The following PTBP3 variants were observed in gnomAD, a reference collection of about 807,000 sequenced individuals.
PTBP3 encodes the protein polypyrimidine tract-binding protein 3.
In PTBP3, 20 loss-of-function variants were observed where a neutral mutation model predicts 58.7. The observed-to-expected ratio is 0.34, with a 90% CI of 0.24 to 0.50. The LOEUF is 0.50. PTBP3 is among the 20% of genes least tolerant of loss of function. The pLI, the probability that PTBP3 is intolerant of heterozygous loss-of-function variation, is 0.98. For synonymous variants in PTBP3, 185 were observed against 219.8 expected (o/e 0.84, Z 1.40); for missense variants, 509 against 637.2 (o/e 0.80, Z 2.17).
At position 112,292,591 on chromosome 9, in the gene PTBP3, C is replaced by T. The variant is rs562375622; in HGVS notation, c.34+5241G>A. On this transcript the variant is annotated intron_variant, in intron 2 of 13. Transcript: ENST00000374257. The stretch of plus-strand genomic sequence containing the variant: ...TGTGGTATATACCTACAATTATTCA[C>T]CCTACAAAAAAGGGAAACCCTTCCA... Among the ~76,000 whole-genome samples the T allele has an allele frequency of 2.0e-5, 3 of 152,190 alleles. No homozygotes were observed. In the South Asian group the frequency reaches 6.2e-4, roughly 32 times the overall value.
the PTBP3 span, among the ~76,000 whole-genome samples, chr9:112,351,174 A>T: frequency 3.9e-5 from 6 of 152,304 alleles, no homozygotes; most frequent in Admixed American, 1.3e-4. Flanking sequence ...CTGTTCCAGG[A>T]TCCCCTCCAA....
In PTBP3 at chr9:112,220,388, A is replaced by T; in HGVS notation, c.*3463T>A. 1 of 1,224,254 alleles carries T rather than the reference A, an allele frequency of 8.2e-7. No individual in the cohort carries two copies. The highest frequency in any genetic ancestry group is 1.0e-6 in the Non-Finnish European group (1 of 960,054). 75.8% of individuals were successfully genotyped at this position (1,224,254 alleles called of 1,614,324 possible). A position where few individuals can be genotyped will look rare whatever the true frequency, so the allele number is the denominator to read the frequency against. ...TGGCGAGACCCCTAAAAATAAAATA[A>T]AGTAAAATAAAAAGAAATTGAGCAG... On this transcript the variant is annotated 3_prime_UTR_variant, in exon 14 of 14. Transcript: ENST00000374257.
At chr9:112,369,670 T>C in the PTBP3 span, among the ~76,000 whole-genome samples, 93 of 152,272 alleles carry the variant, frequency 6.1e-4, no homozygotes, top group East Asian at 6.0e-3. Flanking sequence ...CTATGAACTT[T>C]TGAATTAATG....
At chr9:112,304,983 T>C (rs1197210468) in intron 1 of PTBP3, among the ~76,000 whole-genome samples, 1 of 152,200 alleles carries the variant, frequency 6.6e-6, no homozygotes, top group Non-Finnish European at 1.5e-5. Flanking sequence ...CTTTTCTTTT[T>C]TGAGGAAAAG....
At chr9:112,288,449 C>A (rs958183105) in intron 2 of PTBP3, among the ~76,000 whole-genome samples, 1 of 152,210 alleles carries the variant, frequency 6.6e-6, no homozygotes, top group African/African-American at 2.4e-5. Context: ...TCCCAGGTAA[C>A]TCAACCTTCC....
chr9:112,248,177 A>C (rs1411944270), intron 7 of PTBP3, among the ~76,000 whole-genome samples: 1 of 152,166 alleles, frequency 6.6e-6, no homozygotes, highest in Admixed American at 6.5e-5. Context: ...TAAGACACAC[A>C]AAAAAGCACA....
intron 2 of PTBP3, among the ~76,000 whole-genome samples, chr9:112,277,546 A>T (rs1376285378): frequency 6.6e-6 from 1 of 151,984 alleles, no homozygotes; most frequent in Non-Finnish European, 1.5e-5. Flanking sequence ...ATCCAGTATC[A>T]TATCAACGTT....
chr9:112,374,747 T>A, the PTBP3 span, among the ~76,000 whole-genome samples: 1 of 152,246 alleles, frequency 6.6e-6, no homozygotes, highest in Non-Finnish European at 1.5e-5. Context: ...AGGCATTCTG[T>A]GAGTCCATGG....
At chr9:112,363,516 T>TCTCA in the PTBP3 span, among the ~76,000 whole-genome samples, 4 of 134,776 alleles carry the variant, frequency 3.0e-5, no homozygotes, top group Admixed American at 3.0e-4. Context: ...AGCAAAACTG[T>TCTCA]CACACACACA....
chr9:112,354,913 G>A, the PTBP3 span, among the ~76,000 whole-genome samples: 8 of 152,168 alleles, frequency 5.3e-5, no homozygotes, highest in Non-Finnish European at 1.5e-5. Context: ...GGAGTCAAAT[G>A]TTTCTCTTTC....
chr9:112,256,101 A>G (rs1836334776), intron 5 of PTBP3, among the ~76,000 whole-genome samples: 1 of 151,770 alleles, frequency 6.6e-6, no homozygotes, highest in Non-Finnish European at 1.5e-5. Flanking sequence ...TAAAAATACA[A>G]AAATTAGCCA....
chr9:112,232,351 A>G (rs935057743), intron 8 of PTBP3, 113 bp from the exon 9 acceptor site: 29 of 1,134,976 alleles, frequency 2.6e-5, no homozygotes, highest in Middle Eastern at 2.8e-4. Context: ...AAATGTGTCA[A>G]GGCTACCATA....
At chr9:112,332,128 C>T (rs1830400376) in intron 1 of PTBP3, among the ~76,000 whole-genome samples, 1 of 152,090 alleles carries the variant, frequency 6.6e-6, no homozygotes, top group Non-Finnish European at 1.5e-5. Context: ...ATAAAAACAG[C>T]TTCAATTCCC....
chr9:112,373,481 A>G, the PTBP3 span, among the ~76,000 whole-genome samples: 4 of 152,194 alleles, frequency 2.6e-5, no homozygotes, highest in Non-Finnish European at 2.9e-5. Flanking sequence ...CACTGACTCA[A>G]ATTTTAATCT....
chr9:112,336,799 T>C (rs4978484), upstream of PTBP3, among the ~76,000 whole-genome samples: 127,917 of 152,106 alleles, frequency 0.84, 54,102 homozygotes, highest in African/African-American at 0.93. Flanking sequence ...AAATATAAAG[T>C]GTGTCCGAAA....
intron 7 of PTBP3, among the ~76,000 whole-genome samples, chr9:112,249,464 T>C (rs923138517): frequency 6.6e-6 from 1 of 152,072 alleles, no homozygotes; most frequent in East Asian, 1.9e-4. Context: ...GAGTGGTGTT[T>C]CAGAGGCCAA....
At chr9:112,287,334 G>GT (rs34426952) in intron 2 of PTBP3, among the ~76,000 whole-genome samples, 41,506 of 94,598 alleles carry the variant, frequency 0.44, 10,717 homozygotes, top group African/African-American at 0.58. Context: ...TTCTTTTTCA[G>GT]TTTTTTGTTT....
intron 1 of PTBP3, among the ~76,000 whole-genome samples, chr9:112,314,832 ATT>A (rs35142599): frequency 7.1e-5 from 10 of 141,364 alleles, no homozygotes; most frequent in Non-Finnish European, 4.7e-5. Flanking sequence ...TCCCACTGAC[ATT>A]TTTTTTTTTT....
the PTBP3 span, among the ~76,000 whole-genome samples, chr9:112,359,436 A>G: frequency 4.3e-3 from 651 of 151,966 alleles, 3 homozygotes; most frequent in African/African-American, 0.015. Context: ...ACAGAGCAAG[A>G]CTCTGTCTCA....
Sources: gnomAD v4.1 joint callset for allele counts (sites outside exome capture counted in the v4.1 genomes callset) on GRCh38, gnomAD v4.1.1 for gene constraint, MANE v1.5 for transcripts, NCBI Gene and HGNC (gene_info 2026-07-23, HGNC 2026-07-21) for gene names.